The following NAV3 variants were observed in gnomAD, a reference collection of about 807,000 sequenced individuals.
NAV3 encodes the protein neuron navigator 3, also known as pore membrane and/or filament interacting like protein 1.
A neutral mutation model predicts 244.7 loss-of-function variants in NAV3; 87 were observed. The ratio of observed to expected loss-of-function variants is 0.36; its 90% CI spans 0.30 to 0.42. The LOEUF is 0.42. Among genes scored for constraint, NAV3 ranks in the 20% least tolerant of loss-of-function variants. The pLI is 1.00. For synonymous variants in NAV3, 1,126 were observed against 1,042.2 expected (o/e 1.08, Z -1.55); for missense variants, 2,663 against 2,893.3 (o/e 0.92, Z 1.83).
At chr12:78,081,029 A>G (rs925011765) in intron 12 of NAV3, among the ~76,000 whole-genome samples, 14 of 152,366 alleles carry the variant, frequency 9.2e-5, no homozygotes, top group African/African-American at 2.9e-4. Flanking sequence ...TGAACAGGAA[A>G]GGCATAAGAC....
At chr12:78,086,093 T>C (rs1953621687) in intron 12 of NAV3, among the ~76,000 whole-genome samples, 2 of 152,100 alleles carry the variant, frequency 1.3e-5, no homozygotes, top group Admixed American at 6.6e-5. Flanking sequence ...TTCTACAAAA[T>C]AATTAACACT....
chr12:77,901,651 A>G (rs1237374764), intron 1 of NAV3, among the ~76,000 whole-genome samples: 4 of 152,170 alleles, frequency 2.6e-5, no homozygotes. Context: ...CAGAGATTGC[A>G]GTGAACTGAG....
intron 12 of NAV3, among the ~76,000 whole-genome samples, chr12:78,088,044 A>G (rs1953726386): frequency 6.6e-6 from 1 of 150,834 alleles, no homozygotes; most frequent in South Asian, 2.1e-4. Flanking sequence ...ATATATATAT[A>G]TATATGATAT....
chr12:78,137,274 T>A lies in NAV3; in HGVS notation c.4539T>A (p.Asp1513Glu). The change falls in exon 19 of 40, where the codon GAT becomes GAA. Residue 1513 changes from aspartate to glutamate, a missense_variant. By Grantham distance (45) the Asp-to-Glu change is conservative (BLOSUM62 2). This residue lies in a region of NAV3 where 354 missense variants were observed against 413.0 expected (regional missense o/e 0.86). Coordinates refer to ENST00000397909, the MANE Select transcript of NAV3 (RefSeq NM_001024383.2). Reference sequence around the variant, plus strand: ...AAGACTCTTCCTTCGATCTCTATGATGACTCCCAGCTTTGTGGGAGTGCCA... The same window carrying A: ...AAGACTCTTCCTTCGATCTCTATGAAGACTCCCAGCTTTGTGGGAGTGCCA... ...PAQDSSFDLY[D>E]DSQLCGSATS... 6.2e-7 allele frequency: 1 copy of A among 1,613,830 alleles called. No homozygotes were observed. The highest frequency in any genetic ancestry group is 8.5e-7 in the Non-Finnish European group (1 of 1,179,794).
intron 2 of NAV3, among the ~76,000 whole-genome samples, chr12:77,757,955 A>G (rs1869266013): frequency 1.3e-5 from 2 of 152,154 alleles, no homozygotes; most frequent in South Asian, 2.1e-4. Flanking sequence ...TTTGTATCCT[A>G]CAAACTTCAA....
chr12:78,161,309 C>T (rs1957535891), intron 23 of NAV3, among the ~76,000 whole-genome samples: 1 of 151,998 alleles, frequency 6.6e-6, no homozygotes, highest in African/African-American at 2.4e-5. Flanking sequence ...CTCTTTTTCC[C>T]TTGAAAATTA....
At chr12:77,865,724 T>TTC (rs1009747164) in intron 1 of NAV3, among the ~76,000 whole-genome samples, 31 of 150,956 alleles carry the variant, frequency 2.1e-4, no homozygotes, top group Non-Finnish European at 3.4e-4. Flanking sequence ...AATTCGTTGC[T>TTC]TCTCTCTCTC....
upstream of NAV3, among the ~76,000 whole-genome samples, chr12:77,830,142 G>A (rs1395370822): frequency 6.6e-6 from 1 of 152,176 alleles, no homozygotes. Flanking sequence ...AATAGAACAT[G>A]CTATGATTAT....
rs2136580411 is a variant in NAV3, at chr12:78,006,986, C to G, written c.1448C>G (p.Pro483Arg). Residue 483 changes from proline (P) to arginine (R), a missense_variant, in exon 8 of 40, where the codon CCA becomes CGA. Coordinates refer to ENST00000397909, the MANE Select transcript of NAV3 (RefSeq NM_001024383.2). The stretch of plus-strand genomic sequence containing the variant: ...AAAAATAAAGTTTGCACTGAAAAAC[C>G]AGTCAAAGAAGAGAAGGATCAGGTG... ...RDKNKVCTEK[P>R]VKEEKDQVTE... 6.2e-7 allele frequency: 1 copy of G among 1,613,984 alleles called. No individual in the cohort carries two copies. Among genetic ancestry groups the G allele is most frequent in the Non-Finnish European group, 8.5e-7 (1 of 1,179,984 alleles).
At chr12:77,854,266 A>T (rs1331238822) in intron 1 of NAV3, among the ~76,000 whole-genome samples, 1 of 152,178 alleles carries the variant, frequency 6.6e-6, no homozygotes, top group Non-Finnish European at 1.5e-5. Context: ...ACTGGAAGGC[A>T]GCCTGTTTCT....
chr12:77,656,402 A>C (rs1027547022), intron 2 of NAV3, among the ~76,000 whole-genome samples: 1 of 125,238 alleles, frequency 8.0e-6, no homozygotes, highest in African/African-American at 3.5e-5. Context: ...CAACAAGAGG[A>C]GCTAACTATC....
intron 2 of NAV3, among the ~76,000 whole-genome samples, chr12:77,823,933 A>G (rs1413474166): frequency 6.6e-6 from 1 of 152,218 alleles, no homozygotes; most frequent in Non-Finnish European, 1.5e-5. Context: ...AGACACCCAA[A>G]TGGAACTCCT....
chr12:77,989,234 A>G (rs1871050810), intron 5 of NAV3, among the ~76,000 whole-genome samples: 1 of 152,084 alleles, frequency 6.6e-6, no homozygotes, highest in African/African-American at 2.4e-5. Context: ...AAACAAGGAG[A>G]GGCAACAGAC....
At chr12:77,718,340 C>A (rs1876456935) in intron 2 of NAV3, among the ~76,000 whole-genome samples, 1 of 152,128 alleles carries the variant, frequency 6.6e-6, no homozygotes, top group African/African-American at 2.4e-5. Context: ...TGTTGTTTCA[C>A]CATTATGTAG....
At chr12:77,663,763 C>T (rs747077339) in intron 2 of NAV3, among the ~76,000 whole-genome samples, 19 of 152,164 alleles carry the variant, frequency 1.2e-4, no homozygotes, top group East Asian at 1.9e-4. Flanking sequence ...TCAGGTAATT[C>T]GCCCGCCTTG....
At chr12:77,599,690 C>T (rs959442922) in intron 2 of NAV3, among the ~76,000 whole-genome samples, 8 of 151,684 alleles carry the variant, frequency 5.3e-5, no homozygotes, top group African/African-American at 1.9e-4. Flanking sequence ...ATCATAGGTT[C>T]CTTAACAATG....
intron 9 of NAV3, among the ~76,000 whole-genome samples, chr12:78,030,300 G>T (rs553172435): frequency 6.6e-6 from 1 of 152,160 alleles, no homozygotes; most frequent in African/African-American, 2.4e-5. Context: ...TCCTTTATTG[G>T]CTTTCATCTT....
chr12:77,776,844 G>A (rs1870387130), intron 2 of NAV3, among the ~76,000 whole-genome samples: 1 of 152,164 alleles, frequency 6.6e-6, no homozygotes, highest in African/African-American at 2.4e-5. Flanking sequence ...AGCCCGGTCT[G>A]GTGGAGTATG....
At chr12:77,845,428 C>T (rs1476832084) in intron 1 of NAV3, among the ~76,000 whole-genome samples, 1 of 152,056 alleles carries the variant, frequency 6.6e-6, no homozygotes, top group Non-Finnish European at 1.5e-5. Context: ...CTTAAAAGAA[C>T]CCAAGTACTT....
Sources: allele counts gnomAD v4.1 joint callset (sites outside exome capture counted in the v4.1 genomes callset), GRCh38; gene constraint gnomAD v4.1.1; regional missense constraint gnomAD v4.1.1; transcripts MANE v1.5; gene names NCBI Gene and HGNC (gene_info 2026-07-23, HGNC 2026-07-21).